FBLN2: variants seen among roughly 807,000 people sequenced by gnomAD.
FBLN2 encodes fibulin-2.
In FBLN2, 81 loss-of-function variants were observed where a neutral mutation model predicts 123.7. The ratio of observed to expected loss-of-function variants is 0.65; its 90% confidence interval spans 0.55 to 0.79. FBLN2 has a LOEUF of 0.79. Ranked by LOEUF, FBLN2 falls within the 30% of genes least tolerant of loss-of-function variation. The pLI, the probability that FBLN2 is intolerant of heterozygous loss-of-function variation, is 0.00. For synonymous variants in FBLN2, 699 were observed against 701.4 expected (o/e 1.00, Z 0.05); for missense variants, 1,603 against 1,681.3 (o/e 0.95, Z 0.81).
chr3:13,552,794 C>T (rs925597287), intron 1 of FBLN2, among the ~76,000 whole-genome samples: 1 of 152,068 alleles, frequency 6.6e-6, no homozygotes, highest in Non-Finnish European at 1.5e-5. Context: ...AACCCTTTGC[C>T]AGGGAGTGTG....
At position 13,637,592 on chromosome 3, in the gene FBLN2, C is replaced by T. The variant is rs756107454; in HGVS notation, c.3369C>T (p.Phe1123=). The T allele has an allele frequency of 4.3e-6, 7 of 1,612,378 alleles. No individual in the cohort carries two copies. In the South Asian group the frequency reaches 5.5e-5, roughly 13 times the overall value. ...TKCERTTCHD[F]LECQNSPARI... ...GCGAGCGCACCACGTGCCATGACTT[C>T]CTGGAGTGCCAGAACTCGCCAGCGC... Residue 1123 remains phenylalanine, a synonymous_variant, in exon 18 of 18, where the codon TTC becomes TTT. Transcript: ENST00000404922.
At chr3:13,608,919 T>C (rs1413621689) in intron 3 of FBLN2, among the ~76,000 whole-genome samples, 1 of 152,214 alleles carries the variant, frequency 6.6e-6, no homozygotes, top group Non-Finnish European at 1.5e-5. Context: ...GTCTTTCCCT[T>C]CAGCCATTCT....
chr3:13,615,321 C>T (rs1034854093), intron 5 of FBLN2, among the ~76,000 whole-genome samples: 5 of 152,182 alleles, frequency 3.3e-5, no homozygotes, highest in Non-Finnish European at 5.9e-5. Flanking sequence ...GGTTGGGGAC[C>T]AGATGTCCAG....
rs73146702 is a variant in FBLN2 at position 13,563,533 on chromosome 3, C to A, written c.-41-6782C>A. Among the ~76,000 whole-genome samples, 1,188 of 152,350 alleles carry A rather than the reference C, an allele frequency of 7.8e-3. 17 individuals carry two copies. The highest frequency in any genetic ancestry group is 0.027 in the African/African-American group (1,117 of 41,584). ...CTGAGATGCAGTCTTGCCCAGCTCC[C>A]CCTGGCTCTGCCTGCTTTCCTTTGC... On this transcript the variant is annotated intron_variant, in intron 1 of 17. Transcript: ENST00000404922.
rs751893647 is a variant in FBLN2, at chr3:13,631,428, C to T, written c.3185C>T (p.Thr1062Ile). 1.9e-6 allele frequency: 3 copies of T among 1,597,334 alleles called. No individual in the cohort carries two copies. The highest frequency in any genetic ancestry group is 2.3e-5 in the East Asian group (1 of 44,196). Residue 1062 changes from threonine (T) to isoleucine (I), a missense_variant, in exon 16 of 18, where the codon ACC becomes ATC. Coordinates refer to ENST00000404922, the MANE Select transcript of FBLN2 (RefSeq NM_001004019.2). ...TGTGCATGCCCTGAGCAGGGCTACA[C>T]CATGACGGCCAACGGGAGGTCCTGC... The part of the protein sequence containing the change: ...YQCACPEQGY[T>I]MTANGRSCKD...
chr3:13,614,438 A>C (rs1705511411), intron 5 of FBLN2, among the ~76,000 whole-genome samples: 1 of 151,946 alleles, frequency 6.6e-6, no homozygotes, highest in African/African-American at 2.4e-5. Context: ...TTGTCTATAC[A>C]TCTTCCTCCC....
intron 1 of FBLN2, among the ~76,000 whole-genome samples, chr3:13,569,899 G>C (rs1486055904): frequency 6.6e-6 from 1 of 152,116 alleles, no homozygotes; most frequent in Non-Finnish European, 1.5e-5. Flanking sequence ...GAGACAGCGT[G>C]TGTAACTGCA....
At chr3:13,560,278 A>G (rs1574942931) in intron 1 of FBLN2, among the ~76,000 whole-genome samples, 1 of 151,658 alleles carries the variant, frequency 6.6e-6, no homozygotes, top group African/African-American at 2.4e-5. Flanking sequence ...AGGGGAGAAA[A>G]CCCTGGCTGT....
rs71773469 is a variant in FBLN2 at position 13,638,350 on chromosome 3, TTA to T, written c.*436_*437del. The T allele has an allele frequency of 0.32, 118,867 of 371,902 alleles. 20,031 individuals carry two copies. The highest frequency in any genetic ancestry group is 0.42 in the South Asian group (20,002 of 48,082). 23.0% of individuals were successfully genotyped at this position (371,902 alleles called of 1,614,324 possible). A position where few individuals can be genotyped will look rare whatever the true frequency, so the allele number is the denominator to read the frequency against. Reference sequence around the variant, plus strand: ...TTAACTATAAAGTAGTACATGTACATTATATAAAAAAAAGTTCAACTAGTATG... The same window carrying T: ...TTAACTATAAAGTAGTACATGTACATTATAAAAAAAAGTTCAACTAGTATG... On this transcript the variant is annotated 3_prime_UTR_variant, in exon 18 of 18. Transcript: ENST00000404922.
intron 1 of FBLN2, among the ~76,000 whole-genome samples, chr3:13,556,000 C>T (rs1703454271): frequency 6.6e-6 from 1 of 152,190 alleles, no homozygotes; most frequent in South Asian, 2.1e-4. Flanking sequence ...CTGGGGCTGC[C>T]TTGGCATGTT....
At chr3:13,609,684 CGGG>C in intron 4 of FBLN2, 42 bp downstream of exon 4, 6 of 196,560 alleles carry the variant, frequency 3.1e-5, no homozygotes, top group Non-Finnish European at 5.7e-5. Flanking sequence ...TGGGGTGGGG[CGGG>C]GCGGGAGGCT....
chr3:13,619,909 G>A (rs1051588221), intron 8 of FBLN2, 78 bp downstream of exon 8: 25 of 1,163,288 alleles, frequency 2.1e-5, no homozygotes, highest in Non-Finnish European at 2.8e-5. Flanking sequence ...GGGGGTGGCT[G>A]AGACTTAAAA....
intron 1 of FBLN2, among the ~76,000 whole-genome samples, chr3:13,551,967 C>T (rs958526590): frequency 5.9e-5 from 9 of 151,920 alleles, no homozygotes; most frequent in Admixed American, 3.3e-4. Context: ...GCCTCAGCCT[C>T]CCAAGTAGTT....
chr3:13,568,884 A>G, intron 1 of FBLN2: 2 of 985,766 alleles, frequency 2.0e-6, no homozygotes, highest in Non-Finnish European at 1.2e-6. Flanking sequence ...TTGCTGGCTG[A>G]TAAACCCCTG....
intron 2 of FBLN2, among the ~76,000 whole-genome samples, chr3:13,575,279 G>C (rs1373096801): frequency 6.6e-6 from 1 of 152,182 alleles, no homozygotes; most frequent in Non-Finnish European, 1.5e-5. Context: ...ATGAATTCGT[G>C]ATGACAAGTG....
intron 2 of FBLN2, among the ~76,000 whole-genome samples, chr3:13,589,615 T>C (rs1418465748): frequency 6.6e-6 from 1 of 152,128 alleles, no homozygotes; most frequent in Non-Finnish European, 1.5e-5. Flanking sequence ...CACACACACA[T>C]GGATATTTCA....
rs754108389 is a variant in FBLN2 at position 13,619,731 on chromosome 3, C to A, written c.2055C>A (p.Asp685Glu). 2 of 1,613,112 alleles carry A rather than the reference C, an allele frequency of 1.2e-6. No homozygotes were observed. Among genetic ancestry groups the A allele is most frequent in the Non-Finnish European group, 8.5e-7 (1 of 1,179,352 alleles). The change falls in exon 8 of 18, where the codon GAC (aspartate) becomes GAA (glutamate). Residue 685 changes from aspartate (D) to glutamate (E), a missense_variant and splice_region_variant. By Grantham distance (45) the Asp-to-Glu change is conservative. Transcript: ENST00000404922. ...TGATTTCTGTGTGGTTTCCTCCAGA[C>A]AATGGACCCTGCAAGCAGGTGTGCA... ...LPLPQPNTCKDNGPCKQVCST... is the reference protein window; with the variant it reads ...LPLPQPNTCKENGPCKQVCST...
chr3:13,589,909 T>G (rs1438264038), intron 2 of FBLN2, among the ~76,000 whole-genome samples: 1 of 152,228 alleles, frequency 6.6e-6, no homozygotes, highest in African/African-American at 2.4e-5. Flanking sequence ...TACATGCTCT[T>G]GAGTGTCTTT....
rs1300063807 is a variant in FBLN2 at position 13,629,173 on chromosome 3, A to T, written c.2723A>T (p.Glu908Val). Residue 908 changes from glutamate to valine, a missense_variant, in exon 13 of 18, where the codon GAG becomes GTG. Physicochemically the swap from Glu to Val is moderately radical, Grantham distance 121 (BLOSUM62 -2). Transcript: ENST00000404922. ...TGCTCACCCCCCACAGACGTGAATGAGTGTGAGACAGGTGTGCACCGCTGC... is the reference window on the plus strand; with the variant it reads ...TGCTCACCCCCCACAGACGTGAATGTGTGTGAGACAGGTGTGCACCGCTGC... ...DDGTKCVDVN[E>V]CETGVHRCGE... The T allele has an allele frequency of 3.1e-6, 5 of 1,613,058 alleles. No individual in the cohort carries two copies. Among genetic ancestry groups the T allele is most frequent in the Non-Finnish European group, 4.2e-6 (5 of 1,179,592 alleles).
Sources: allele counts gnomAD v4.1 joint callset (sites outside exome capture counted in the v4.1 genomes callset), GRCh38; gene constraint gnomAD v4.1.1; transcripts MANE v1.5; gene names NCBI Gene and HGNC (gene_info 2026-07-23, HGNC 2026-07-21).